The following CDKAL1 variants were observed in gnomAD, a reference collection of about 807,000 sequenced individuals.
CDKAL1 encodes threonylcarbamoyladenosine tRNA methylthiotransferase.
A neutral mutation model predicts 68.2 loss-of-function variants in CDKAL1; 32 were observed. The ratio of observed to expected loss-of-function variants is 0.47; its 90% confidence interval spans 0.35 to 0.63. The LOEUF (loss-of-function observed/expected upper bound fraction) is 0.63. Among genes scored for constraint, CDKAL1 ranks in the 30% least tolerant of loss-of-function variants. The pLI, the probability that CDKAL1 is intolerant of heterozygous loss-of-function variation, is 0.00. For synonymous variants in CDKAL1, 234 were observed against 244.3 expected (o/e 0.96, Z 0.39); for missense variants, 606 against 696.7 (o/e 0.87, Z 1.47).
intron 2 of CDKAL1, among the ~76,000 whole-genome samples, chr6:20,535,940 G>GT (rs1763152217): frequency 6.6e-6 from 1 of 152,090 alleles, no homozygotes; most frequent in African/African-American, 2.4e-5. Context: ...ATTTGTATGT[G>GT]TGTGTTTTTG....
intron 5 of CDKAL1, among the ~76,000 whole-genome samples, chr6:20,651,890 G>C (rs2050225): frequency 0.41 from 61,701 of 152,050 alleles, 12,789 homozygotes; most frequent in Admixed American, 0.48. Context: ...CTCGCATCCA[G>C]GGATGAAGCC....
At chr6:20,927,949 A>G (rs972801816) in intron 9 of CDKAL1, among the ~76,000 whole-genome samples, 7 of 152,188 alleles carry the variant, frequency 4.6e-5, no homozygotes, top group Non-Finnish European at 8.8e-5. Context: ...GATAATTGAG[A>G]TGTTTCTTAA....
chr6:20,564,897 AGAG>A (rs1204952115), intron 4 of CDKAL1, among the ~76,000 whole-genome samples: 1 of 152,184 alleles, frequency 6.6e-6, no homozygotes, highest in Non-Finnish European at 1.5e-5. Context: ...TTGTGTGATG[AGAG>A]GAGAATCTAG....
intron 1 of CDKAL1, among the ~76,000 whole-genome samples, 182 bp downstream of exon 1, chr6:20,534,756 A>G (rs577876243): frequency 6.6e-6 from 1 of 152,240 alleles, no homozygotes; most frequent in African/African-American, 2.4e-5. Context: ...AGGAGCGAGG[A>G]TAGGGTCGTT....
At chr6:20,541,785 T>C (rs1030619928) in intron 2 of CDKAL1, among the ~76,000 whole-genome samples, 1 of 152,122 alleles carries the variant, frequency 6.6e-6, no homozygotes, top group East Asian at 1.9e-4. Context: ...CTCAGCCTCC[T>C]GAGTAGCTGG....
At chr6:20,551,985 T>G (rs965383008) in intron 4 of CDKAL1, among the ~76,000 whole-genome samples, 1 of 137,018 alleles carries the variant, frequency 7.3e-6, no homozygotes, top group Non-Finnish European at 1.5e-5. Context: ...TACCTCAGCC[T>G]CCCAAGTAGC....
intron 12 of CDKAL1, among the ~76,000 whole-genome samples, chr6:21,102,550 A>G (rs1353935319): frequency 2.0e-5 from 3 of 151,896 alleles, no homozygotes; most frequent in African/African-American, 7.3e-5. Context: ...TTCTTCACCA[A>G]CGACCCCTTG....
chr6:20,819,040 T>C (rs1777165924), intron 8 of CDKAL1, among the ~76,000 whole-genome samples: 1 of 152,170 alleles, frequency 6.6e-6, no homozygotes, highest in African/African-American at 2.4e-5. Flanking sequence ...AGAGTTATTT[T>C]GTTTCACAAG....
intron 13 of CDKAL1, among the ~76,000 whole-genome samples, chr6:21,117,849 A>G (rs1286824546): frequency 6.6e-6 from 1 of 152,190 alleles, no homozygotes; most frequent in East Asian, 1.9e-4. Flanking sequence ...GCTTCTTCCT[A>G]TTCCTAATCC....
intron 8 of CDKAL1, among the ~76,000 whole-genome samples, chr6:20,836,436 G>A (rs1777949792): frequency 6.6e-6 from 1 of 152,154 alleles, no homozygotes; most frequent in African/African-American, 2.4e-5. Flanking sequence ...TAGAATCTGG[G>A]AATCCAGGTC....
chr6:20,666,017 G>T (rs904860242), intron 5 of CDKAL1, among the ~76,000 whole-genome samples: 1 of 151,840 alleles, frequency 6.6e-6, no homozygotes, highest in African/African-American at 2.4e-5. Context: ...ATTTCTATAT[G>T]GCCTGAAGCA....
At chr6:21,013,559 C>G (rs1768138009) in intron 11 of CDKAL1, among the ~76,000 whole-genome samples, 2 of 152,164 alleles carry the variant, frequency 1.3e-5, no homozygotes, top group Non-Finnish European at 2.9e-5. Flanking sequence ...AGTCTGAGTT[C>G]CTTGTTACTA....
intron 4 of CDKAL1, among the ~76,000 whole-genome samples, chr6:20,571,205 A>G (rs1189302340): frequency 6.6e-6 from 1 of 152,228 alleles, no homozygotes; most frequent in East Asian, 1.9e-4. Flanking sequence ...AAGGCTGACC[A>G]ACTCACCTTG....
intron 4 of CDKAL1, among the ~76,000 whole-genome samples, chr6:20,554,045 T>C (rs1186102851): frequency 6.6e-6 from 1 of 152,244 alleles, no homozygotes; most frequent in Non-Finnish European, 1.5e-5. Flanking sequence ...GTCTAACTCC[T>C]GGCCTCAAGT....
chr6:21,044,316 A>G (rs1770099968), intron 11 of CDKAL1, among the ~76,000 whole-genome samples: 1 of 152,126 alleles, frequency 6.6e-6, no homozygotes, highest in Non-Finnish European at 1.5e-5. Context: ...TTACACTCTG[A>G]TTCTGCTTTC....
At position 20,758,577 on chromosome 6, in the gene CDKAL1, G is replaced by GTTTT; in HGVS notation, c.469-8_469-5dup. On this transcript the variant is annotated splice_polypyrimidine_tract_variant and intron_variant, in intron 6 of 15. Coordinates refer to ENST00000274695, the MANE Select transcript of CDKAL1 (RefSeq NM_017774.3). The stretch of plus-strand genomic sequence containing the variant: ...CTTCGTGTAAATTACTTGTGTAATC[G>GTTTT]TTTTTTTTTTTTTCCAGGTTCAGCA... The GTTTT allele has an allele frequency of 2.3e-6, 3 of 1,325,076 alleles. No homozygotes were observed. Among genetic ancestry groups the GTTTT allele is most frequent in the Admixed American group, 2.1e-5 (1 of 47,686 alleles). 82.1% of individuals were successfully genotyped at this position (1,325,076 alleles called of 1,614,324 possible).
chr6:20,936,209 T>G (rs1227794877), intron 9 of CDKAL1, among the ~76,000 whole-genome samples: 2 of 151,696 alleles, frequency 1.3e-5, no homozygotes, highest in Non-Finnish European at 2.9e-5. Context: ...TGTACATTTT[T>G]TTAAAAAAAT....
intron 8 of CDKAL1, among the ~76,000 whole-genome samples, chr6:20,840,746 A>G (rs541404222): frequency 2.0e-5 from 3 of 152,348 alleles, no homozygotes; most frequent in East Asian, 3.9e-4. Context: ...TTCTGTTGGT[A>G]TGAGTATCTC....
At chr6:20,696,243 G>A (rs1262303615) in intron 5 of CDKAL1, among the ~76,000 whole-genome samples, 5 of 152,156 alleles carry the variant, frequency 3.3e-5, no homozygotes, top group East Asian at 1.9e-4. Flanking sequence ...TTAAGAAGTC[G>A]TCTAAAAACC....
Sources: gnomAD v4.1 joint callset for allele counts (sites outside exome capture counted in the v4.1 genomes callset) on GRCh38, gnomAD v4.1.1 for gene constraint, MANE v1.5 for transcripts, NCBI Gene and HGNC (gene_info 2026-07-23, HGNC 2026-07-21) for gene names.